The following LRP1B variants were observed in gnomAD, a reference collection of about 807,000 sequenced individuals.
LRP1B encodes the protein low-density lipoprotein receptor-related protein 1B.
In LRP1B, 217 loss-of-function variants were observed where a neutral mutation model predicts 556.6. The observed-to-expected ratio is 0.39, with a 90% CI of 0.35 to 0.44. The LOEUF (loss-of-function observed/expected upper bound fraction) is 0.44, where lower values mean the gene tolerates loss of function less well. Among genes scored for constraint, LRP1B ranks in the 20% least tolerant of loss-of-function variants. LRP1B has a pLI of 1.00. For synonymous variants in LRP1B, 2,047 were observed against 1,865.8 expected, an observed-to-expected ratio of 1.10 and a Z score of -2.50; for missense variants, 5,053 against 5,620.8, an observed-to-expected ratio of 0.90 and a Z score of 3.23.
chr2:140,384,335 T>C (rs1157692901), intron 67 of LRP1B, among the ~76,000 whole-genome samples: 1 of 152,140 alleles, frequency 6.6e-6, no homozygotes, highest in East Asian at 1.9e-4. Context: ...TGCATAATTG[T>C]GGGATTTTTT....
chr2:140,820,477 A>G (rs2105052803), intron 31 of LRP1B, among the ~76,000 whole-genome samples: 1 of 152,262 alleles, frequency 6.6e-6, no homozygotes, highest in Middle Eastern at 3.4e-3. Context: ...CCTTCCTAAC[A>G]TAACTCATTT....
intron 1 of LRP1B, among the ~76,000 whole-genome samples, chr2:141,864,759 G>A (rs979616345): frequency 2.6e-5 from 4 of 152,112 alleles, no homozygotes; most frequent in Admixed American, 2.6e-4. Flanking sequence ...GCACACACCT[G>A]TAGTCCCAGC....
At chr2:141,934,397 T>G (rs1032238619) in intron 1 of LRP1B, among the ~76,000 whole-genome samples, 5 of 152,116 alleles carry the variant, frequency 3.3e-5, no homozygotes, top group Admixed American at 1.3e-4. Context: ...CATAAATCTA[T>G]AGAATCAGGA....
intron 7 of LRP1B, among the ~76,000 whole-genome samples, chr2:141,177,319 G>A (rs1198576279): frequency 6.6e-6 from 1 of 152,094 alleles, no homozygotes; most frequent in Non-Finnish European, 1.5e-5. Flanking sequence ...ATTTCTGGAA[G>A]CTAGTGTTAC....
intron 32 of LRP1B, among the ~76,000 whole-genome samples, chr2:140,786,229 T>C (rs1036612715): frequency 9.2e-5 from 14 of 152,314 alleles, no homozygotes; most frequent in African/African-American, 3.4e-4. Flanking sequence ...TGAATTGCAG[T>C]CAACTTTCAA....
chr2:141,855,488 A>G (rs1162232152), intron 1 of LRP1B, among the ~76,000 whole-genome samples: 3 of 152,144 alleles, frequency 2.0e-5, no homozygotes, highest in African/African-American at 7.2e-5. Flanking sequence ...GGAAATGTTC[A>G]ATGTAATCTG....
chr2:141,795,262 T>G lies in LRP1B; in HGVS notation c.205+15017A>C, dbSNP rs557858149. Reference sequence around the variant, plus strand: ...TAAGCAAGGTGAGTACCATTTATACTTTTTTTTATGCTGATCATAATCTCC... The same window carrying G: ...TAAGCAAGGTGAGTACCATTTATACGTTTTTTTATGCTGATCATAATCTCC... On this transcript the variant is annotated intron_variant, in intron 2 of 90. Coordinates refer to ENST00000389484, the MANE Select transcript of LRP1B (RefSeq NM_018557.3). 3.9e-5 allele frequency among the ~76,000 whole-genome samples: 6 copies of G among 152,042 alleles called. 1 individual carries two copies. The East Asian group carries it at 1.2e-3, about 29-fold the overall frequency.
At chr2:141,064,723 T>C (rs1196738235) in intron 7 of LRP1B, among the ~76,000 whole-genome samples, 1 of 151,962 alleles carries the variant, frequency 6.6e-6, no homozygotes, top group African/African-American at 2.4e-5. Context: ...TGGTGTTTAA[T>C]TTTACCCTAA....
At chr2:141,181,131 G>T (rs1231258952) in intron 7 of LRP1B, among the ~76,000 whole-genome samples, 1 of 151,916 alleles carries the variant, frequency 6.6e-6, no homozygotes, top group Non-Finnish European at 1.5e-5. Flanking sequence ...TGACCAAGAA[G>T]ATATGAGAGA....
At chr2:141,176,791 G>A (rs1680757393) in intron 7 of LRP1B, among the ~76,000 whole-genome samples, 1 of 151,940 alleles carries the variant, frequency 6.6e-6, no homozygotes, top group South Asian at 2.1e-4. Flanking sequence ...TGACTATAAA[G>A]AGGATTTTGA....
intron 83 of LRP1B, among the ~76,000 whole-genome samples, chr2:140,306,445 G>T (rs1304769780): frequency 2.6e-5 from 4 of 152,004 alleles, no homozygotes; most frequent in East Asian, 1.9e-4. Flanking sequence ...TTGCATAGAG[G>T]TGTTTATAGT....
intron 62 of LRP1B, among the ~76,000 whole-genome samples, chr2:140,455,751 C>A (rs145173308): frequency 1.3e-5 from 2 of 152,112 alleles, no homozygotes; most frequent in Admixed American, 1.3e-4. Flanking sequence ...ACTAGAAAAT[C>A]AGCAAACTCA....
At chr2:141,905,626 A>C (rs1411471431) in intron 1 of LRP1B, among the ~76,000 whole-genome samples, 1 of 151,816 alleles carries the variant, frequency 6.6e-6, no homozygotes, top group African/African-American at 2.4e-5. Context: ...CTAGGGCTGA[A>C]TGAGGAGGAA....
intron 87 of LRP1B, among the ~76,000 whole-genome samples, chr2:140,244,676 A>G (rs1681080798): frequency 6.6e-6 from 1 of 151,294 alleles, no homozygotes; most frequent in African/African-American, 2.4e-5. Flanking sequence ...AAAGCCGGTG[A>G]ACATCACTAC....
At chr2:140,747,321 G>A (rs1688350668) in intron 35 of LRP1B, among the ~76,000 whole-genome samples, 1 of 152,168 alleles carries the variant, frequency 6.6e-6, no homozygotes, top group Non-Finnish European at 1.5e-5. Context: ...GGAACAGTTA[G>A]GATTCCTTAG....
chr2:140,579,480 C>T (rs1456135356), intron 43 of LRP1B, among the ~76,000 whole-genome samples: 1 of 152,186 alleles, frequency 6.6e-6, no homozygotes, highest in African/African-American at 2.4e-5. Flanking sequence ...TTGGACACAT[C>T]TCCACACCCT....
chr2:141,449,380 C>T (rs1458755777), intron 3 of LRP1B, among the ~76,000 whole-genome samples: 1 of 152,106 alleles, frequency 6.6e-6, no homozygotes, highest in African/African-American at 2.4e-5. Flanking sequence ...AAATATTTTA[C>T]TGTAAGAAAA....
intron 20 of LRP1B, among the ~76,000 whole-genome samples, chr2:140,941,687 C>T (rs1046166081): frequency 1.3e-5 from 2 of 152,110 alleles, no homozygotes; most frequent in African/African-American, 4.8e-5. Flanking sequence ...TCATACAGAA[C>T]CTTGGCCCTC....
chr2:141,547,668 G>A (rs1312122080), intron 2 of LRP1B, among the ~76,000 whole-genome samples: 1 of 152,076 alleles, frequency 6.6e-6, no homozygotes, highest in Non-Finnish European at 1.5e-5. Context: ...CATGTGTCCC[G>A]TGCAGCAGGC....
Sources: gnomAD v4.1 joint callset for allele counts (sites outside exome capture counted in the v4.1 genomes callset) on GRCh38, gnomAD v4.1.1 for gene constraint, MANE v1.5 for transcripts, NCBI Gene and HGNC (gene_info 2026-07-23, HGNC 2026-07-21) for gene names.